ATP8A1: variants seen among roughly 807,000 people sequenced by gnomAD.
The protein encoded by ATP8A1 is phospholipid-transporting ATPase IA.
In ATP8A1, 90 loss-of-function variants were observed where a neutral mutation model predicts 177.7. That is an observed-to-expected ratio of 0.51 (90% CI 0.43 to 0.60). ATP8A1 has a LOEUF of 0.60. Ranked by LOEUF, ATP8A1 falls within the 20% of genes least tolerant of loss-of-function variation. ATP8A1 has a pLI of 0.00. For synonymous variants in ATP8A1, 493 were observed against 485.9 expected, an observed-to-expected ratio of 1.01 and a Z score of -0.19; for missense variants, 1,072 against 1,392.8, an observed-to-expected ratio of 0.77 and a Z score of 3.67.
intron 31 of ATP8A1, among the ~76,000 whole-genome samples, chr4:42,445,205 G>T (rs1455733603): frequency 6.6e-6 from 1 of 152,188 alleles, no homozygotes; most frequent in East Asian, 1.9e-4. Context: ...GGAAACTGGG[G>T]TTGGATTAAT....
intron 22 of ATP8A1, among the ~76,000 whole-genome samples, chr4:42,520,038 A>G (rs1725955312): frequency 6.6e-6 from 1 of 152,172 alleles, no homozygotes; most frequent in Non-Finnish European, 1.5e-5. Flanking sequence ...TTGAACATCT[A>G]GTTCAGTTAA....
chr4:42,494,835 A>G (rs1404840469), intron 24 of ATP8A1, among the ~76,000 whole-genome samples: 2 of 152,194 alleles, frequency 1.3e-5, no homozygotes, highest in East Asian at 3.8e-4. Flanking sequence ...TAAAATAATT[A>G]ATTATAAAGA....
intron 6 of ATP8A1, among the ~76,000 whole-genome samples, chr4:42,592,014 T>C (rs973748608): frequency 7.2e-5 from 11 of 152,152 alleles, no homozygotes; most frequent in African/African-American, 2.7e-4. Context: ...TTCAGTTAAA[T>C]GATTAAACAA....
At chr4:42,507,546 G>A (rs1297250708) in intron 22 of ATP8A1, among the ~76,000 whole-genome samples, 1 of 151,628 alleles carries the variant, frequency 6.6e-6, no homozygotes, top group Admixed American at 6.6e-5. Flanking sequence ...TGGCCAATAT[G>A]GTGAAACCAC....
chr4:42,417,629 T>C (rs974622398), intron 35 of ATP8A1, among the ~76,000 whole-genome samples: 2 of 152,230 alleles, frequency 1.3e-5, no homozygotes, highest in African/African-American at 4.8e-5. Context: ...CAATTCATGG[T>C]TCTGGAATGT....
At chr4:42,448,297 AAAG>A (rs1202151657) in intron 30 of ATP8A1, among the ~76,000 whole-genome samples, 3 of 152,290 alleles carry the variant, frequency 2.0e-5, no homozygotes, top group Admixed American at 1.3e-4. Flanking sequence ...ATGGAGTTAC[AAAG>A]AAGAAGACTA....
intron 1 of ATP8A1, among the ~76,000 whole-genome samples, chr4:42,629,018 C>A (rs772449529): frequency 6.6e-6 from 1 of 152,166 alleles, no homozygotes; most frequent in Admixed American, 6.5e-5. Context: ...AGGTCTCAAA[C>A]GCTGCTGGGA....
intron 24 of ATP8A1, among the ~76,000 whole-genome samples, chr4:42,489,423 GT>G (rs890770784): frequency 5.9e-5 from 9 of 152,080 alleles, no homozygotes; most frequent in African/African-American, 2.2e-4. Context: ...GTATCCCTAG[GT>G]TTTGTTGGTG....
chr4:42,478,242 G>A (rs1399936562), intron 25 of ATP8A1, among the ~76,000 whole-genome samples: 1 of 152,052 alleles, frequency 6.6e-6, no homozygotes, highest in Non-Finnish European at 1.5e-5. Flanking sequence ...TGTGGTCCCA[G>A]CTACTTGGGA....
chr4:42,436,530 T>C (rs1471886275), intron 33 of ATP8A1, among the ~76,000 whole-genome samples: 1 of 152,228 alleles, frequency 6.6e-6, no homozygotes, highest in African/African-American at 2.4e-5. Flanking sequence ...GGCTTGGAAG[T>C]GGCTCTTGGC....
intron 2 of ATP8A1, chr4:42,625,932 T>C (rs1738019200): frequency 5.8e-6 from 2 of 345,274 alleles, no homozygotes; most frequent in Non-Finnish European, 1.1e-5. Context: ...TTTTTTTGCA[T>C]AATCTTTTGT....
chr4:42,478,071 AT>A (rs1033462326), intron 25 of ATP8A1, among the ~76,000 whole-genome samples: 1 of 151,546 alleles, frequency 6.6e-6, no homozygotes, highest in African/African-American at 2.4e-5. Flanking sequence ...AAGGTAAAAA[AT>A]TTTTTTGGCG....
intron 25 of ATP8A1, among the ~76,000 whole-genome samples, chr4:42,484,637 G>T (rs1440135973): frequency 2.0e-5 from 3 of 152,060 alleles, no homozygotes; most frequent in African/African-American, 7.2e-5. Flanking sequence ...TAAAGAAAAC[G>T]ATAAAAGCAC....
Position 42,464,896 on chromosome 4 carries a change from A to G in ATP8A1, c.2505T>C (p.Ala835=). Residue 835 remains alanine, a synonymous_variant, in exon 26 of 37, where the codon GCT becomes GCC. Coordinates refer to ENST00000381668, the MANE Select transcript of ATP8A1 (RefSeq NM_006095.2). ...TTTTGCAGAAATGACGCTTTACCTGAGCTATGGAGTAGTCAGAGGAATTAG... is the reference window on the plus strand; with the variant it reads ...TTTTGCAGAAATGACGCTTTACCTGGGCTATGGAGTAGTCAGAGGAATTAG... ...QAANSSDYSI[A]QFKYLKNLLM... 2.5e-6 allele frequency: 4 copies of G among 1,614,086 alleles called. No individual in the cohort carries two copies. Among genetic ancestry groups the G allele is most frequent in the Non-Finnish European group, 3.4e-6 (4 of 1,179,942 alleles).
intron 22 of ATP8A1, among the ~76,000 whole-genome samples, chr4:42,512,233 TA>T (rs556496495): frequency 3.4e-4 from 51 of 152,238 alleles, no homozygotes; most frequent in Non-Finnish European, 5.4e-4. Context: ...AAATGGGATG[TA>T]AAACTGAGAT....
rs1410622941 is a variant in ATP8A1 at position 42,410,682 on chromosome 4, A to C, written c.*2234T>G. ...AAGAGGCTCAAATTAGTCACATTTC[A>C]GATCATGTTACACATTATCAACCGT... On this transcript the variant is annotated 3_prime_UTR_variant, in exon 37 of 37. Transcript: ENST00000381668. 1 of 152,224 alleles carries C rather than the reference A, an allele frequency of 6.6e-6. No individual in the cohort carries two copies. The highest frequency in any genetic ancestry group is 1.5e-5 in the Non-Finnish European group (1 of 68,028). 9.4% of individuals were successfully genotyped at this position (152,224 alleles called of 1,614,324 possible). A position where few individuals can be genotyped will look rare whatever the true frequency, so the allele number is the denominator to read the frequency against.
intron 25 of ATP8A1, among the ~76,000 whole-genome samples, chr4:42,481,997 A>G (rs1017658477): frequency 4.6e-5 from 7 of 152,194 alleles, no homozygotes; most frequent in African/African-American, 1.7e-4. Flanking sequence ...GAAGCTGCAC[A>G]GTATCTATGA....
At chr4:42,507,996 C>G (rs1724627248) in intron 22 of ATP8A1, among the ~76,000 whole-genome samples, 2 of 152,082 alleles carry the variant, frequency 1.3e-5, no homozygotes, top group South Asian at 4.1e-4. Flanking sequence ...CAAGGAAGAA[C>G]AAGTTGAATG....
chr4:42,545,557 C>A (rs1728818361), intron 19 of ATP8A1, among the ~76,000 whole-genome samples: 1 of 152,238 alleles, frequency 6.6e-6, no homozygotes, highest in Admixed American at 6.5e-5. Context: ...CACATTCCAA[C>A]AAGCTTGCTC....
Sources: allele counts gnomAD v4.1 joint callset (sites outside exome capture counted in the v4.1 genomes callset), GRCh38; gene constraint gnomAD v4.1.1; transcripts MANE v1.5; gene names NCBI Gene and HGNC (gene_info 2026-07-23, HGNC 2026-07-21).